Variants in RINT1 observed in about 807,000 individuals in gnomAD.
RINT1 encodes the protein RAD50 interactor 1, also known as RAD50-interacting protein 1.
In RINT1, 75 loss-of-function variants were observed where a neutral mutation model predicts 97.7. The ratio of observed to expected loss-of-function variants is 0.77; its 90% confidence interval spans 0.64 to 0.93. RINT1 has a LOEUF of 0.93. Ranked by LOEUF, RINT1 falls within the 40% of genes least tolerant of loss-of-function variation. The probability of loss-of-function intolerance (pLI) is 0.00; values close to 1 mark genes in which losing one functional copy is unlikely to be tolerated. For missense variants in RINT1, 892 were observed against 925.2 expected (o/e 0.96, Z 0.47); for synonymous variants, 303 against 326.3 (o/e 0.93, Z 0.77).
At chr7:105,542,198 A>C in intron 3 of RINT1, 2 of 438,406 alleles carry the variant, frequency 4.6e-6, no homozygotes, top group Non-Finnish European at 8.0e-6. Context: ...AGCCAGGTGT[A>C]GTGGTGCATA....
At chr7:105,545,951 C>T (rs930347021) in intron 4 of RINT1, among the ~76,000 whole-genome samples, 1 of 149,032 alleles carries the variant, frequency 6.7e-6, no homozygotes, top group Admixed American at 6.8e-5. Flanking sequence ...TTACAGGTGC[C>T]CACCACCATG....
At position 105,563,731 on chromosome 7, in the gene RINT1, A is replaced by T. The variant is rs1190373141; in HGVS notation, c.1672-2A>T. On this transcript the variant is annotated splice_acceptor_variant, in intron 11 of 14. Transcript: ENST00000257700. LOFTEE classifies it high-confidence loss of function. ...AATGTGTTAACATGTTTTTGCTTTC[A>T]GTTCTTTCTACAACTTCAACAGGCT... is the stretch of plus-strand genomic sequence containing the variant. 4 of 1,607,784 alleles carry T rather than the reference A, an allele frequency of 2.5e-6. No homozygotes were observed. Among genetic ancestry groups the T allele is most frequent in the Admixed American group, 3.4e-5 (2 of 58,506 alleles).
intron 11 of RINT1, among the ~76,000 whole-genome samples, chr7:105,561,825 G>A (rs931279693): frequency 1.1e-4 from 17 of 152,036 alleles, no homozygotes; most frequent in Admixed American, 6.6e-5. Context: ...GCCTCCCAAA[G>A]TGCTGAGATT....
At chr7:105,566,167 G>C (rs1287301705) in intron 14 of RINT1, among the ~76,000 whole-genome samples, 1 of 151,186 alleles carries the variant, frequency 6.6e-6, no homozygotes, top group Non-Finnish European at 1.5e-5. Flanking sequence ...AGTCCCACCT[G>C]CTTGGGAGGC....
At chr7:105,556,115 G>A (rs1429270589) in intron 11 of RINT1, among the ~76,000 whole-genome samples, 1 of 150,422 alleles carries the variant, frequency 6.6e-6, no homozygotes, top group Non-Finnish European at 1.5e-5. Flanking sequence ...TGCCCGGGCT[G>A]GAGTGCAATG....
chr7:105,565,343 G>A lies in RINT1; in HGVS notation c.1953G>A (p.Leu651=), dbSNP rs1265891367. ...VMSLSSSACP[L]LLTLRDHLLQ... ...CCCTGTCCAGTTCGGCTTGCCCGTTGCTGCTGACGTTACGAGACCATTTAC... is the reference window on the plus strand; with the variant it reads ...CCCTGTCCAGTTCGGCTTGCCCGTTACTGCTGACGTTACGAGACCATTTAC... The change falls in exon 13 of 15, where the codon TTG becomes TTA. Residue 651 remains leucine, a synonymous_variant. Transcript: ENST00000257700. The A allele has an allele frequency of 2.5e-6, 4 of 1,614,194 alleles. No homozygotes were observed. The East Asian group carries it at 6.7e-5, about 27-fold the overall frequency.
chr7:105,537,176 G>T (rs1790274020), intron 3 of RINT1, among the ~76,000 whole-genome samples: 1 of 147,990 alleles, frequency 6.8e-6, no homozygotes, highest in Non-Finnish European at 1.5e-5. Flanking sequence ...TGTTGCCCAG[G>T]TTGGAGTACA....
Position 105,548,723 on chromosome 7 carries a change from A to G in RINT1, c.996+13A>G. On this transcript the variant is annotated intron_variant, in intron 7 of 14. Transcript: ENST00000257700. ...TGTGTTAAGCAAGGTGTGTTTTGCC[A>G]GCTCTTGTCCTTGGTTTTTATTGGT... 6.3e-7 allele frequency: 1 copy of G among 1,592,946 alleles called. No individual in the cohort carries two copies. Among genetic ancestry groups the G allele is most frequent in the Non-Finnish European group, 8.6e-7 (1 of 1,168,996 alleles).
At position 105,567,571 on chromosome 7, in the gene RINT1, G is replaced by GAT; in HGVS notation, c.*261_*262insTA. The GAT allele has an allele frequency of 1.6e-6, 1 of 609,990 alleles. No individual in the cohort carries two copies. Among genetic ancestry groups the GAT allele is most frequent in the South Asian group, 1.8e-5 (1 of 54,210 alleles). 37.8% of individuals were successfully genotyped at this position (609,990 alleles called of 1,614,324 possible). Reference sequence around the variant, plus strand: ...ATAAATGCTGAGTATGTCTGTTGAAGACGAGCAGAGATATTAAATTATAAC... The same window carrying GAT: ...ATAAATGCTGAGTATGTCTGTTGAAGATACGAGCAGAGATATTAAATTATAAC... On this transcript the variant is annotated 3_prime_UTR_variant, in exon 15 of 15. Transcript: ENST00000257700.
At chr7:105,561,100 GAAAAAA>G (rs77538953) in intron 11 of RINT1, among the ~76,000 whole-genome samples, 8 of 134,602 alleles carry the variant, frequency 5.9e-5, no homozygotes, top group African/African-American at 1.0e-4. Flanking sequence ...GAGTTTTAGA[GAAAAAA>G]AAAAAAAAAC....
Position 105,532,826 on chromosome 7 carries a change from C to T in RINT1, c.45C>T (p.Cys15=). The T allele has an allele frequency of 6.2e-7, 1 of 1,614,056 alleles. No individual in the cohort carries two copies. Among genetic ancestry groups the T allele is most frequent in the Non-Finnish European group, 8.5e-7 (1 of 1,179,924 alleles). Residue 15 remains cysteine (C), a splice_region_variant and synonymous_variant, in exon 2 of 15, where the codon TGC becomes TGT. Transcript: ENST00000257700. ...TGTCACATCTGTTCTTCTTCTAGTG[C>T]TGCTCTGAAAGTGGTGACGAAAGGA... is the stretch of plus-strand genomic sequence containing the variant. ...GEIGASPAAP[C]CSESGDERKN...
At position 105,548,827 on chromosome 7, in the gene RINT1, A is replaced by T. The variant is rs531973238; in HGVS notation, c.996+117A>T. The T allele has an allele frequency of 1.2e-5, 11 of 930,704 alleles. No individual in the cohort carries two copies. In the South Asian group the frequency reaches 1.9e-4, roughly 16 times the overall value. The allele number at this position is 930,704 out of a possible 1,614,324, so 57.7% of individuals were successfully genotyped here. On this transcript the variant is annotated intron_variant, in intron 7 of 14. Transcript: ENST00000257700. ...CTTCACATTTCTGTTTTTTTTCTAAAGGGCTACATTCCTGTTTTGTTACTG... is the reference window on the plus strand; with the variant it reads ...CTTCACATTTCTGTTTTTTTTCTAATGGGCTACATTCCTGTTTTGTTACTG...
chr7:105,566,134 C>T (rs1791727121), intron 14 of RINT1, among the ~76,000 whole-genome samples: 1 of 150,456 alleles, frequency 6.6e-6, no homozygotes, highest in Non-Finnish European at 1.5e-5. Flanking sequence ...AAAAATTAGC[C>T]AGGCCTGGTG....
At chr7:105,548,417 ATAT>A (rs1790770302) in intron 6 of RINT1, 134 bp from the exon 7 acceptor site, 3 of 708,302 alleles carry the variant, frequency 4.2e-6, no homozygotes, top group South Asian at 3.4e-5. Flanking sequence ...ATTAGGTTAC[ATAT>A]TATTTGCATC....
intron 10 of RINT1, among the ~76,000 whole-genome samples, chr7:105,553,887 ATTTTTTTTTTTT>A (rs776924728): frequency 1.5e-4 from 11 of 71,152 alleles, no homozygotes; most frequent in East Asian, 3.1e-4. Flanking sequence ...TACCCAGCTA[ATTTTTTTTTTTT>A]TTTTTTTTTT....
At chr7:105,562,105 G>A (rs1422212911) in intron 11 of RINT1, among the ~76,000 whole-genome samples, 3 of 152,188 alleles carry the variant, frequency 2.0e-5, no homozygotes, top group South Asian at 2.1e-4. Flanking sequence ...GTATGTCAAC[G>A]TGTGGTAACA....
intron 10 of RINT1, among the ~76,000 whole-genome samples, 195 bp from the exon 11 acceptor site, chr7:105,554,833 A>G (rs1269605919): frequency 3.3e-5 from 5 of 152,154 alleles, no homozygotes; most frequent in Admixed American, 3.3e-4. Context: ...TCTTATTTGT[A>G]TTGTTCAATG....
intron 4 of RINT1, among the ~76,000 whole-genome samples, chr7:105,545,289 T>TA (rs946176902): frequency 7.3e-4 from 104 of 142,962 alleles, no homozygotes; most frequent in Admixed American, 1.2e-3. Context: ...CATCTCTGTT[T>TA]AAAAAAAAAA....
chr7:105,559,605 C>T (rs1791348690), intron 11 of RINT1, among the ~76,000 whole-genome samples: 1 of 150,018 alleles, frequency 6.7e-6, no homozygotes, highest in South Asian at 2.1e-4. Context: ...CCTATAATCC[C>T]AGCTACTCAG....
Sources: allele counts gnomAD v4.1 joint callset (sites outside exome capture counted in the v4.1 genomes callset), GRCh38; gene constraint gnomAD v4.1.1; transcripts MANE v1.5; gene names NCBI Gene and HGNC (gene_info 2026-07-23, HGNC 2026-07-21).